Variants in MBD5 observed in about 807,000 individuals in gnomAD.
The protein encoded by MBD5 is methyl-CpG binding domain protein 5.
MBD5 carries 13 observed loss-of-function variants against 117.3 expected under a neutral mutation model. The observed-to-expected ratio is 0.11, with a 90% confidence interval of 0.07 to 0.18. The LOEUF (loss-of-function observed/expected upper bound fraction) is 0.18. Ranked by LOEUF, MBD5 falls within the 10% of genes least tolerant of loss-of-function variation. MBD5 has a pLI of 1.00. For missense variants in MBD5, 1,879 were observed against 2,093.8 expected (o/e 0.90, Z 2.00); for synonymous variants, 727 against 766.4 (o/e 0.95, Z 0.85).
intron 4 of MBD5, among the ~76,000 whole-genome samples, chr2:148,372,255 G>A (rs1703874817): frequency 6.6e-6 from 1 of 151,986 alleles, no homozygotes; most frequent in Non-Finnish European, 1.5e-5. Flanking sequence ...TGAATGACTA[G>A]GATATGCTAA....
chr2:148,320,048 T>A (rs1303897917), intron 3 of MBD5, among the ~76,000 whole-genome samples: 3 of 152,258 alleles, frequency 2.0e-5, no homozygotes, highest in Non-Finnish European at 4.4e-5. Context: ...TTGTGATGTA[T>A]CACATTTATT....
chr2:148,164,307 C>G (rs916032831), intron 1 of MBD5, among the ~76,000 whole-genome samples: 8 of 152,096 alleles, frequency 5.3e-5, no homozygotes, highest in African/African-American at 1.7e-4. Context: ...ACCAACCATT[C>G]TGGCATTATA....
intron 4 of MBD5, among the ~76,000 whole-genome samples, chr2:148,399,251 C>T (rs1430337970): frequency 6.6e-6 from 1 of 152,160 alleles, no homozygotes; most frequent in African/African-American, 2.4e-5. Context: ...GGCAGTATGT[C>T]CATTTTCACG....
In MBD5 at chr2:148,312,576, T is replaced by C. The variant is rs1702059932; in HGVS notation, c.-679-29638T>C. On this transcript the variant is annotated intron_variant, in intron 3 of 13. Transcript: ENST00000642680. ...TAACCTTTTTTCAAGGTCCTTAGCTTCCTTGCATTGGGTTAGAACATGCTC... is the reference window on the plus strand; with the variant it reads ...TAACCTTTTTTCAAGGTCCTTAGCTCCCTTGCATTGGGTTAGAACATGCTC... Among the ~76,000 whole-genome samples, 3 of 152,206 alleles carry C rather than the reference T, an allele frequency of 2.0e-5. No homozygotes were observed. The South Asian group carries it at 6.2e-4, about 31-fold the overall frequency.
intron 1 of MBD5, among the ~76,000 whole-genome samples, chr2:148,075,221 G>T (rs184463724): frequency 6.6e-6 from 1 of 152,316 alleles, no homozygotes; most frequent in Admixed American, 6.5e-5. Flanking sequence ...TGACAGGGCT[G>T]TAAGGGAGAA....
At chr2:148,098,437 A>G (rs1399708096) in intron 1 of MBD5, among the ~76,000 whole-genome samples, 1 of 152,182 alleles carries the variant, frequency 6.6e-6, no homozygotes, top group Non-Finnish European at 1.5e-5. Flanking sequence ...CTAAATATAT[A>G]GATTTTTCAG....
rs775316693 is a variant in MBD5 at position 148,512,983 on chromosome 2, A to T, written c.*42A>T. 1 of 1,535,908 alleles carries T rather than the reference A, an allele frequency of 6.5e-7. No homozygotes were observed. The highest frequency in any genetic ancestry group is 1.7e-5 in the Admixed American group (1 of 59,920). ...AATGCGCAGTGTTTATTAAAGGAAC[A>T]TGCACAGATGTATCTGTATATAGGT... On this transcript the variant is annotated 3_prime_UTR_variant, in exon 14 of 14. Transcript: ENST00000642680.
chr2:148,240,018 A>G (rs1700179214), intron 3 of MBD5, among the ~76,000 whole-genome samples: 1 of 152,222 alleles, frequency 6.6e-6, no homozygotes, highest in Admixed American at 6.5e-5. Flanking sequence ...AACCAACTCA[A>G]ATGTCCATCA....
At chr2:148,150,703 A>C (rs905868106) in intron 1 of MBD5, among the ~76,000 whole-genome samples, 1 of 152,030 alleles carries the variant, frequency 6.6e-6, no homozygotes, top group Non-Finnish European at 1.5e-5. Context: ...CTTTGAAGCA[A>C]TTGTGAATGG....
intron 3 of MBD5, among the ~76,000 whole-genome samples, chr2:148,271,924 C>T (rs567290256): frequency 1.3e-5 from 2 of 152,258 alleles, no homozygotes; most frequent in Admixed American, 6.5e-5. Flanking sequence ...CTGTACCCAT[C>T]GACCAGCGTC....
chr2:148,218,203 A>G (rs1322276384), intron 2 of MBD5, among the ~76,000 whole-genome samples: 1 of 152,056 alleles, frequency 6.6e-6, no homozygotes, highest in Non-Finnish European at 1.5e-5. Flanking sequence ...AGACCACTGG[A>G]TAGGTCTCAT....
chr2:148,051,434 C>G (rs559423945), intron 1 of MBD5, among the ~76,000 whole-genome samples: 1 of 150,812 alleles, frequency 6.6e-6, no homozygotes, highest in Non-Finnish European at 1.5e-5. Flanking sequence ...CCCAGTTTCC[C>G]TGGCTGGAAT....
At chr2:148,416,811 C>T (rs529349766) in intron 4 of MBD5, among the ~76,000 whole-genome samples, 5 of 152,198 alleles carry the variant, frequency 3.3e-5, no homozygotes, top group African/African-American at 4.8e-5. Context: ...CTTTATACCA[C>T]ACTGTATGCC....
chr2:148,400,071 G>T (rs1183922172), intron 4 of MBD5, among the ~76,000 whole-genome samples: 1 of 152,056 alleles, frequency 6.6e-6, no homozygotes, highest in East Asian at 1.9e-4. Context: ...TTTTATTGAG[G>T]ATTTTTGCGT....
chr2:148,409,985 AT>A (rs1356405076), intron 4 of MBD5, among the ~76,000 whole-genome samples: 1 of 152,184 alleles, frequency 6.6e-6, no homozygotes, highest in Admixed American at 6.5e-5. Context: ...TTTTACTCTA[AT>A]GTTCAATGCT....
chr2:148,353,382 G>A lies in MBD5; in HGVS notation c.-557+11046G>A, dbSNP rs181151774. Among the ~76,000 whole-genome samples, 1,019 of 152,048 alleles carry A rather than the reference G, an allele frequency of 6.7e-3. 6 individuals are homozygous for A. The highest frequency in any genetic ancestry group is 0.01 in the Non-Finnish European group (697 of 67,938). On this transcript the variant is annotated intron_variant, in intron 4 of 13. Transcript: ENST00000642680. Reference sequence around the variant, plus strand: ...GCCCAAATTTTCCCATGTAAGCCTCGCTTCTCTTTCCACTTTTCCTTTGAT... The same window carrying A: ...GCCCAAATTTTCCCATGTAAGCCTCACTTCTCTTTCCACTTTTCCTTTGAT...
At chr2:148,226,800 C>G (rs1230276211) in intron 2 of MBD5, among the ~76,000 whole-genome samples, 1 of 152,176 alleles carries the variant, frequency 6.6e-6, no homozygotes, top group Admixed American at 6.5e-5. Flanking sequence ...TTAATGATCA[C>G]TATTCTAACT....
intron 1 of MBD5, among the ~76,000 whole-genome samples, chr2:148,154,986 G>T (rs372433913): frequency 6.6e-6 from 1 of 152,198 alleles, no homozygotes; most frequent in East Asian, 1.9e-4. Context: ...TTCTTATGAG[G>T]TTCTATAGGC....
At chr2:148,339,953 G>A (rs1009562897) in intron 3 of MBD5, among the ~76,000 whole-genome samples, 3 of 151,832 alleles carry the variant, frequency 2.0e-5, no homozygotes, top group African/African-American at 7.3e-5. Flanking sequence ...TAATTTCCAG[G>A]GTTCAGATTT....
Sources: allele counts gnomAD v4.1 joint callset (sites outside exome capture counted in the v4.1 genomes callset), GRCh38; gene constraint gnomAD v4.1.1; transcripts MANE v1.5; gene names NCBI Gene and HGNC (gene_info 2026-07-23, HGNC 2026-07-21).